PCNX2: variants seen among roughly 807,000 people sequenced by gnomAD.
PCNX2 encodes pecanex-like protein 2.
Under a neutral mutation model 223.8 loss-of-function variants are expected in PCNX2, and 168 were observed. The ratio of observed to expected loss-of-function variants is 0.75; its 90% CI spans 0.66 to 0.85. The LOEUF is 0.85. PCNX2 is among the 40% of genes least tolerant of loss of function. PCNX2 has a pLI of 0.00. For synonymous variants in PCNX2, 1,006 were observed against 1,052.6 expected (o/e 0.96, Z 0.86); for missense variants, 2,507 against 2,675.5 (o/e 0.94, Z 1.39).
intron 15 of PCNX2, among the ~76,000 whole-genome samples, chr1:233,185,788 C>G (rs1680062999): frequency 6.6e-6 from 1 of 152,180 alleles, no homozygotes; most frequent in South Asian, 2.1e-4. Flanking sequence ...TATCATGTGA[C>G]AGTTTGCTTC....
At chr1:233,082,731 G>C (rs912653706) in intron 23 of PCNX2, among the ~76,000 whole-genome samples, 1 of 152,140 alleles carries the variant, frequency 6.6e-6, no homozygotes, top group South Asian at 2.1e-4. Context: ...CAGCTTAGTG[G>C]GTAGGAAGCA....
intron 19 of PCNX2, among the ~76,000 whole-genome samples, chr1:233,158,207 C>A (rs1001390602): frequency 2.0e-5 from 3 of 152,070 alleles, no homozygotes; most frequent in African/African-American, 7.2e-5. Context: ...TGTTAATGGC[C>A]CACTCCTATC....
At chr1:233,003,379 C>A (rs370403051) in intron 28 of PCNX2, among the ~76,000 whole-genome samples, 1 of 152,276 alleles carries the variant, frequency 6.6e-6, no homozygotes, top group South Asian at 2.1e-4. Flanking sequence ...GACATTTATG[C>A]GGCCAACAAA....
intron 27 of PCNX2, 56 bp from the exon 28 acceptor site, chr1:233,014,833 C>T: frequency 7.2e-7 from 1 of 1,385,954 alleles, no homozygotes; most frequent in African/African-American, 1.4e-5. Flanking sequence ...TGTACCAACA[C>T]ACAGGCATAA....
chr1:233,171,831 CT>C (rs1301183885), intron 17 of PCNX2, among the ~76,000 whole-genome samples: 1 of 152,072 alleles, frequency 6.6e-6, no homozygotes, highest in Non-Finnish European at 1.5e-5. Context: ...TTTAGATTTT[CT>C]CACTCTATCC....
intron 28 of PCNX2, among the ~76,000 whole-genome samples, chr1:233,002,894 A>G (rs1670138785): frequency 6.6e-6 from 1 of 152,250 alleles, no homozygotes; most frequent in Non-Finnish European, 1.5e-5. Context: ...GACAAAAACA[A>G]GCAATGGGGA....
At chr1:233,009,059 CTG>C (rs1210839613) in intron 28 of PCNX2, among the ~76,000 whole-genome samples, 1 of 152,150 alleles carries the variant, frequency 6.6e-6, no homozygotes, top group African/African-American at 2.4e-5. Context: ...AGCAAGGACT[CTG>C]GAGTCTGGGC....
intron 22 of PCNX2, among the ~76,000 whole-genome samples, chr1:233,090,834 A>G (rs1394233463): frequency 6.6e-6 from 1 of 152,222 alleles, no homozygotes; most frequent in Non-Finnish European, 1.5e-5. Flanking sequence ...TTTCTCACGT[A>G]CTGGCATGCA....
intron 17 of PCNX2, among the ~76,000 whole-genome samples, chr1:233,172,938 C>CG (rs1679243611): frequency 6.6e-6 from 1 of 152,194 alleles, no homozygotes; most frequent in Admixed American, 6.5e-5. Context: ...CTCTCATTTA[C>CG]ATTGGTGTCT....
rs75602493 is a variant in PCNX2, at chr1:233,108,632, C to T, written c.3838-12769G>A. Among the ~76,000 whole-genome samples the T allele has an allele frequency of 3.7e-3, 566 of 152,292 alleles. 2 individuals are homozygous for T. Among genetic ancestry groups the T allele is most frequent in the African/African-American group, 0.013 (539 of 41,556 alleles). On this transcript the variant is annotated intron_variant, in intron 21 of 33. Transcript: ENST00000258229. ...CACACGGCTCAGCCGGGCCCTTCTG[C>T]CAACTCTCCAATGGAACAAAAATTG...
At chr1:233,143,990 G>A (rs1306947593) in intron 19 of PCNX2, among the ~76,000 whole-genome samples, 1 of 151,994 alleles carries the variant, frequency 6.6e-6, no homozygotes, top group Non-Finnish European at 1.5e-5. Context: ...CCCCAAGCCT[G>A]GGCAATATAG....
At chr1:233,118,749 T>C (rs1428641640) in intron 21 of PCNX2, among the ~76,000 whole-genome samples, 1 of 152,202 alleles carries the variant, frequency 6.6e-6, no homozygotes, top group Non-Finnish European at 1.5e-5. Context: ...AGTTACAGAT[T>C]GGAAGACAAC....
intron 19 of PCNX2, among the ~76,000 whole-genome samples, chr1:233,151,833 C>T (rs930558497): frequency 1.3e-5 from 2 of 152,196 alleles, no homozygotes; most frequent in Admixed American, 6.5e-5. Context: ...TGCTACCATG[C>T]CCGGCCAATT....
At chr1:233,244,283 G>A (rs921266358) in intron 8 of PCNX2, among the ~76,000 whole-genome samples, 7 of 152,186 alleles carry the variant, frequency 4.6e-5, no homozygotes, top group African/African-American at 1.7e-4. Context: ...AGATAAGTCC[G>A]AGACAAAACT....
At chr1:233,304,321 A>G in the PCNX2 span, among the ~76,000 whole-genome samples, 5 of 152,206 alleles carry the variant, frequency 3.3e-5, no homozygotes, top group Admixed American at 3.3e-4. Context: ...CTCACAGAAC[A>G]CAACTGAAAG....
intron 7 of PCNX2, among the ~76,000 whole-genome samples, chr1:233,251,765 A>G (rs1659467135): frequency 6.6e-6 from 1 of 152,262 alleles, no homozygotes; most frequent in Admixed American, 6.5e-5. Flanking sequence ...CTGGAGCTAT[A>G]TGATACATAA....
chr1:233,105,323 G>A (rs1558235651), intron 21 of PCNX2, among the ~76,000 whole-genome samples: 1 of 152,138 alleles, frequency 6.6e-6, no homozygotes, highest in Non-Finnish European at 1.5e-5. Context: ...AATTGGTGCA[G>A]AAAGGACGTT....
intron 1 of PCNX2, among the ~76,000 whole-genome samples, chr1:233,270,426 C>T (rs1449336045): frequency 6.6e-6 from 1 of 152,108 alleles, no homozygotes; most frequent in East Asian, 1.9e-4. Context: ...AGGCCAAGAA[C>T]CCCTGGACGT....
At chr1:233,056,564 G>T (rs1672197905) in intron 24 of PCNX2, among the ~76,000 whole-genome samples, 1 of 152,098 alleles carries the variant, frequency 6.6e-6, no homozygotes, top group Non-Finnish European at 1.5e-5. Context: ...CTCTCTCCAG[G>T]TATCTCAAAT....
Sources: gnomAD v4.1 joint callset for allele counts (sites outside exome capture counted in the v4.1 genomes callset) on GRCh38, gnomAD v4.1.1 for gene constraint, MANE v1.5 for transcripts, NCBI Gene and HGNC (gene_info 2026-07-23, HGNC 2026-07-21) for gene names.